Variants in FOXK1 observed in about 807,000 individuals in gnomAD.
FOXK1 encodes forkhead box protein K1.
FOXK1 carries 19 observed loss-of-function variants against 51.9 expected under a neutral mutation model. The observed-to-expected ratio is 0.37, with a 90% confidence interval of 0.26 to 0.54. FOXK1 has a LOEUF of 0.54. FOXK1 is among the 20% of genes least tolerant of loss of function. The probability of loss-of-function intolerance (pLI) is 0.87; values close to 1 mark genes in which losing one functional copy is unlikely to be tolerated. For missense variants in FOXK1, 870 were observed against 1,032.7 expected (o/e 0.84, Z 2.16); for synonymous variants, 537 against 482.6 (o/e 1.11, Z -1.48).
intron 1 of FOXK1, among the ~76,000 whole-genome samples, chr7:4,725,731 C>G (rs569325365): frequency 1.1e-3 from 175 of 152,370 alleles, no homozygotes; most frequent in African/African-American, 4.0e-3. Context: ...TCTCAATCTC[C>G]GTCAACTGCC....
rs900627021 is a variant in FOXK1 at position 4,767,658 on chromosome 7, T to C, written c.*5194T>C. 6.6e-6 allele frequency: 1 copy of C among 152,232 alleles called. No individual in the cohort carries two copies. Among genetic ancestry groups the C allele is most frequent in the Admixed American group, 6.5e-5 (1 of 15,282 alleles). The allele number at this position is 152,232 out of a possible 1,614,324, so 9.4% of individuals were successfully genotyped here. On this transcript the variant is annotated 3_prime_UTR_variant, in exon 9 of 9. Transcript: ENST00000328914. The surrounding 1 kb of genome is among the most constrained non-coding windows in gnomAD (Gnocchi z 6.6). ...TGGTCTCTCGCCCGGTTCTGTCCCT[T>C]ATTTTTAGATTGTTTTCCTGCATCT...
At position 4,703,453 on chromosome 7, in the gene FOXK1, A is replaced by T. The variant is rs1269172769; in HGVS notation, c.560+20585A>T. Among the ~76,000 whole-genome samples, 1 of 152,194 alleles carries T rather than the reference A, an allele frequency of 6.6e-6. No individual in the cohort carries two copies. The highest frequency in any genetic ancestry group is 1.5e-5 in the Non-Finnish European group (1 of 68,028). On this transcript the variant is annotated intron_variant, in intron 1 of 8. Transcript: ENST00000328914. The surrounding 1 kb of genome is among the most constrained non-coding windows in gnomAD (Gnocchi z 5.6). ...CTGCAGGGCTGGTGGCGTCCAGCAC[A>T]GGGCAGGGTCCTGGTGTCCTCGCCC...
At chr7:4,698,320 A>ATG (rs200570831) in intron 1 of FOXK1, among the ~76,000 whole-genome samples, 14 of 152,080 alleles carry the variant, frequency 9.2e-5, no homozygotes, top group African/African-American at 3.4e-4. Context: ...GTGTATATAT[A>ATG]TATATATATA....
intron 1 of FOXK1, among the ~76,000 whole-genome samples, chr7:4,705,552 T>TCTCTCTCTCTCGCTCTCACTCTCG: frequency 7.0e-6 from 1 of 143,692 alleles, no homozygotes; most frequent in Admixed American, 7.0e-5. Context: ...TCTCTCTCTC[T>TCTCTCTCTCTCGCTCTCACTCTCG]CTCTCTCGCT....
intron 1 of FOXK1, among the ~76,000 whole-genome samples, chr7:4,725,688 C>A (rs1780372540): frequency 6.6e-6 from 1 of 152,278 alleles, no homozygotes; most frequent in Non-Finnish European, 1.5e-5. Context: ...TGCCGACTGG[C>A]CCAGTGGGTG....
At chr7:4,706,487 G>T (rs867671509) in intron 1 of FOXK1, among the ~76,000 whole-genome samples, 1 of 152,136 alleles carries the variant, frequency 6.6e-6, no homozygotes. Context: ...GATGCTGACA[G>T]TTGGGGGCCC....
intron 1 of FOXK1, among the ~76,000 whole-genome samples, chr7:4,692,465 A>G (rs1379492900): frequency 6.6e-6 from 1 of 152,178 alleles, no homozygotes; most frequent in Non-Finnish European, 1.5e-5. Context: ...GCACGATCTC[A>G]GCTCACTGCA....
rs1780731337 is a variant in FOXK1 at position 4,748,257 on chromosome 7, T to G, written c.747-6202T>G. On this transcript the variant is annotated intron_variant, in intron 2 of 8. Transcript: ENST00000328914. This position sits in a 1 kb window ranked among gnomAD's most constrained non-coding sequence, Gnocchi z 4.9. ...TCACTTCTGTGTCTCTGAGTCGTAT[T>G]CGTACGTGACTGTCTCTTGGTTTTT... 6.6e-6 allele frequency among the ~76,000 whole-genome samples: 1 copy of G among 152,210 alleles called. No homozygotes were observed. Among genetic ancestry groups the G allele is most frequent in the Non-Finnish European group, 1.5e-5 (1 of 68,042 alleles).
At position 4,683,659 on chromosome 7, in the gene FOXK1, A is replaced by G. The variant is rs1779782190; in HGVS notation, c.560+791A>G. On this transcript the variant is annotated intron_variant, in intron 1 of 8. Transcript: ENST00000328914. The surrounding 1 kb of genome is among the most constrained non-coding windows in gnomAD (Gnocchi z 4.5). The stretch of plus-strand genomic sequence containing the variant: ...GGACCACCCCCGACCCCCACCAGCC[A>G]GGGCCTCAAGTCACCCCAGTGCCTG... 6.6e-6 allele frequency among the ~76,000 whole-genome samples: 1 copy of G among 151,542 alleles called. No individual in the cohort carries two copies.
intron 1 of FOXK1, among the ~76,000 whole-genome samples, chr7:4,705,632 A>G (rs1021039762): frequency 6.7e-6 from 1 of 148,488 alleles, no homozygotes; most frequent in Non-Finnish European, 1.5e-5. Context: ...TGCTTCCCGC[A>G]TTGAAGCAAT....
Position 4,765,982 on chromosome 7 carries a change from C to T in FOXK1, c.*3518C>T, listed in dbSNP as rs923043984. 3.9e-5 allele frequency: 6 copies of T among 152,304 alleles called. No homozygotes were observed. Among genetic ancestry groups the T allele is most frequent in the Admixed American group, 1.3e-4 (2 of 15,288 alleles). The allele number at this position is 152,304 out of a possible 1,614,324, so 9.4% of individuals were successfully genotyped here. A position where few individuals can be genotyped will look rare whatever the true frequency, so the allele number is the denominator to read the frequency against. ...CACCAGCCCAGTGTCCACGGAGCCG[C>T]GGGGCCAGAGGAGCTCAGGGAGACC... On this transcript the variant is annotated 3_prime_UTR_variant, in exon 9 of 9. Transcript: ENST00000328914.
chr7:4,731,334 C>T lies in FOXK1; in HGVS notation c.561-9504C>T, dbSNP rs942804122. Among the ~76,000 whole-genome samples, 2 of 152,220 alleles carry T rather than the reference C, an allele frequency of 1.3e-5. No individual in the cohort carries two copies. Among genetic ancestry groups the T allele is most frequent in the African/African-American group, 2.4e-5 (1 of 41,462 alleles). Reference sequence around the variant, plus strand: ...AGGCGAGCCAGGTTTAGTACTTTATCGGGTATCCTAAAGACACGTTGCAGC... The same window carrying T: ...AGGCGAGCCAGGTTTAGTACTTTATTGGGTATCCTAAAGACACGTTGCAGC... On this transcript the variant is annotated intron_variant, in intron 1 of 8. Coordinates refer to ENST00000328914, the MANE Select transcript of FOXK1 (RefSeq NM_001037165.2). The surrounding 1 kb of genome is among the most constrained non-coding windows in gnomAD (Gnocchi z 5.3).
chr7:4,757,302 G>C lies in FOXK1; in HGVS notation c.1244+115G>C, dbSNP rs962363937. 4 of 943,954 alleles carry C rather than the reference G, an allele frequency of 4.2e-6. No homozygotes were observed. In the African/African-American group the frequency reaches 5.0e-5, roughly 12 times the overall value. The allele number at this position is 943,954 out of a possible 1,614,324, so 58.5% of individuals were successfully genotyped here. On this transcript the variant is annotated intron_variant, in intron 5 of 8. Transcript: ENST00000328914. ...ATCTGTGGGCTCAGGCTCAGTGTACGGGCATGCAACTGATCACAGGTCAAA... is the reference window on the plus strand; with the variant it reads ...ATCTGTGGGCTCAGGCTCAGTGTACCGGCATGCAACTGATCACAGGTCAAA...
chr7:4,699,778 A>C (rs1385071713), intron 1 of FOXK1, among the ~76,000 whole-genome samples: 1 of 152,200 alleles, frequency 6.6e-6, no homozygotes, highest in East Asian at 1.9e-4. Context: ...GATTCAGTAC[A>C]AGTGTTAAAA....
chr7:4,721,600 T>C (rs557408088), intron 1 of FOXK1, among the ~76,000 whole-genome samples: 13 of 144,658 alleles, frequency 9.0e-5, no homozygotes, highest in East Asian at 6.7e-4. Flanking sequence ...TTTTTTTTTT[T>C]TTTTTTTTGA....
rs1272211439 is a variant in FOXK1, at chr7:4,762,350, C to G, written c.2088C>G (p.Ser696=). The change falls in exon 9 of 9, where the codon TCC becomes TCG. Residue 696 remains serine, a synonymous_variant. Coordinates refer to ENST00000328914, the MANE Select transcript of FOXK1 (RefSeq NM_001037165.2). This position sits in a 1 kb window ranked among gnomAD's most constrained non-coding sequence, Gnocchi z 5.7. ...CCACCGCCTCTGCCTCCGCCTCTTC[C>G]ACTGGAGAGCCCGAGGTCAAAAGGT... ...TATTASASAS[S]TGEPEVKRSR... is the part of the protein sequence containing the mutation. 6.4e-7 allele frequency: 1 copy of G among 1,550,686 alleles called. No homozygotes were observed. The highest frequency in any genetic ancestry group is 8.7e-7 in the Non-Finnish European group (1 of 1,146,932).
chr7:4,739,880 C>G (rs1780608824), intron 1 of FOXK1, among the ~76,000 whole-genome samples: 1 of 152,230 alleles, frequency 6.6e-6, no homozygotes, highest in African/African-American at 2.4e-5. Flanking sequence ...CACCTGGGTG[C>G]CACAGCAGTT....
chr7:4,696,172 G>A lies in FOXK1; in HGVS notation c.560+13304G>A, dbSNP rs146648337. On this transcript the variant is annotated intron_variant, in intron 1 of 8. Transcript: ENST00000328914. ...GAGTCTGACCCCTGACATACATTAG[G>A]AGGGGAGGCTTCCATTTGTCCCTGT... is the stretch of plus-strand genomic sequence containing the variant. 7.2e-5 allele frequency among the ~76,000 whole-genome samples: 11 copies of A among 151,846 alleles called. No individual in the cohort carries two copies. In the East Asian group the frequency reaches 1.7e-3, roughly 24 times the overall value.
At chr7:4,736,037 T>C (rs1780547985) in intron 1 of FOXK1, among the ~76,000 whole-genome samples, 1 of 152,104 alleles carries the variant, frequency 6.6e-6, no homozygotes, top group Non-Finnish European at 1.5e-5. Flanking sequence ...TAATCCCAGC[T>C]ACTCAGGAGG....
Sources: gnomAD v4.1 joint callset for allele counts (sites outside exome capture counted in the v4.1 genomes callset) on GRCh38, gnomAD v4.1.1 for gene constraint, Gnocchi (gnomAD v3.1) non-coding constraint, MANE v1.5 for transcripts, NCBI Gene and HGNC (gene_info 2026-07-23, HGNC 2026-07-21) for gene names.